TMEM272: variants seen among roughly 807,000 people sequenced by gnomAD.
TMEM272 encodes long intergenic non-protein coding RNA 282.
Under a neutral mutation model 3.7 loss-of-function variants are expected in TMEM272, and 8 were observed. The ratio of observed to expected loss-of-function variants is 2.17; its 90% confidence interval spans 1.27 to 3.91. The LOEUF (loss-of-function observed/expected upper bound fraction) is 3.91, where lower values mean the gene tolerates loss of function less well. Among genes scored for constraint, TMEM272 ranks in the 30% most tolerant of loss-of-function variants. The pLI is 0.00. For missense variants in TMEM272, 166 were observed against 91.5 expected (o/e 1.81, Z -3.32); for synonymous variants, 63 against 39.8 (o/e 1.58, Z -2.20).
the TMEM272 span, among the ~76,000 whole-genome samples, chr13:51,923,106 T>C: frequency 3.5e-4 from 54 of 152,304 alleles, no homozygotes; most frequent in African/African-American, 1.0e-3. Context: ...AGTCCGGTGA[T>C]GGCAATGTAA....
At chr13:51,927,770 T>C in the TMEM272 span, among the ~76,000 whole-genome samples, 1 of 152,176 alleles carries the variant, frequency 6.6e-6, no homozygotes, top group Non-Finnish European at 1.5e-5. Context: ...CTCCAGTCCC[T>C]ACTTGGGGAT....
At chr13:51,909,348 A>G in the TMEM272 span, 1 of 876,032 alleles carries the variant, frequency 1.1e-6, no homozygotes, top group Non-Finnish European at 1.9e-6. Context: ...GCAGGTCTCC[A>G]GCTCTTCAGT....
At chr13:51,932,112 C>T in the TMEM272 span, among the ~76,000 whole-genome samples, 1 of 152,136 alleles carries the variant, frequency 6.6e-6, no homozygotes, top group Non-Finnish European at 1.5e-5. Context: ...ATTCATAGTG[C>T]CTCCTTCCAC....
the TMEM272 span, among the ~76,000 whole-genome samples, chr13:51,852,444 A>G: frequency 6.6e-6 from 1 of 152,240 alleles, no homozygotes; most frequent in African/African-American, 2.4e-5. Context: ...CTTCCAGGGC[A>G]TGATTCCTTT....
At chr13:51,831,605 T>C (rs1956173953) in intron 2 of TMEM272, among the ~76,000 whole-genome samples, 1 of 152,178 alleles carries the variant, frequency 6.6e-6, no homozygotes, top group South Asian at 2.1e-4. Flanking sequence ...AGGCCTTCTT[T>C]ACCACTTGGT....
chr13:51,848,194 G>C (rs982823981), upstream of TMEM272, among the ~76,000 whole-genome samples: 2 of 152,182 alleles, frequency 1.3e-5, no homozygotes, highest in African/African-American at 4.8e-5. Flanking sequence ...GGAAGCAGTT[G>C]CTAACCCTAG....
upstream of TMEM272, among the ~76,000 whole-genome samples, chr13:51,849,637 C>T (rs568051820): frequency 1.5e-4 from 23 of 151,292 alleles, no homozygotes; most frequent in South Asian, 3.5e-3. Flanking sequence ...CCAATTTCAG[C>T]GGTCGCAGAG....
At chr13:51,846,038 G>C (rs576728277), upstream of TMEM272, among the ~76,000 whole-genome samples, 3 of 152,320 alleles carry the variant, frequency 2.0e-5, no homozygotes, top group Admixed American at 2.0e-4. Flanking sequence ...GGCAAGAGAA[G>C]AGCCTATTAT....
the TMEM272 span, among the ~76,000 whole-genome samples, chr13:51,913,364 T>C: frequency 2.6e-3 from 395 of 152,318 alleles, 2 homozygotes; most frequent in African/African-American, 9.0e-3. Flanking sequence ...AAAATAGTAT[T>C]GGCGCCAAAG....
chr13:51,931,419 C>T, the TMEM272 span, among the ~76,000 whole-genome samples: 4 of 151,154 alleles, frequency 2.6e-5, no homozygotes, highest in African/African-American at 4.9e-5. Context: ...TATTCTCACT[C>T]GTAAGTGGGA....
the TMEM272 span, among the ~76,000 whole-genome samples, chr13:51,900,854 A>T: frequency 6.6e-6 from 1 of 152,244 alleles, no homozygotes; most frequent in Non-Finnish European, 1.5e-5. Flanking sequence ...TAAGTATAAG[A>T]AGCCAGACAC....
At chr13:51,865,756 C>G in the TMEM272 span, 1 of 1,614,082 alleles carries the variant, frequency 6.2e-7, no homozygotes, top group East Asian at 2.2e-5. Context: ...AAAAGTACCG[C>G]ACTTTCTGGA....
At chr13:51,866,140 G>A in the TMEM272 span, 38 of 1,380,912 alleles carry the variant, frequency 2.8e-5, no homozygotes, top group Non-Finnish European at 3.6e-5. Context: ...TTCAAGTCCA[G>A]GGTGAGCCCA....
intron 3 of TMEM272, among the ~76,000 whole-genome samples, chr13:51,823,551 G>C (rs747718819): frequency 6.6e-6 from 1 of 152,234 alleles, no homozygotes; most frequent in Non-Finnish European, 1.5e-5. Flanking sequence ...TGGAATTTGC[G>C]TAAGCAAGAA....
chr13:51,904,966 C>G, the TMEM272 span, among the ~76,000 whole-genome samples: 1 of 152,198 alleles, frequency 6.6e-6, no homozygotes, highest in Non-Finnish European at 1.5e-5. Context: ...GGAGTCTGTT[C>G]TGTGTGCTGT....
chr13:51,891,583 G>A, the TMEM272 span, among the ~76,000 whole-genome samples: 1 of 152,186 alleles, frequency 6.6e-6, no homozygotes, highest in Non-Finnish European at 1.5e-5. Flanking sequence ...GGAGGGGATT[G>A]GGGCTCCTAT....
rs1046483366 is a variant in TMEM272, at chr13:51,815,560, A to C, written c.*1191T>G. On this transcript the variant is annotated 3_prime_UTR_variant, in exon 5 of 5. Coordinates refer to ENST00000629372, the MANE Select transcript of TMEM272 (RefSeq NM_001351003.2). ...AGTTAAAAAATAAACACAGCTCAGCAGTGTGTAAATATACAGAAATGCTAT... is the reference window on the plus strand; with the variant it reads ...AGTTAAAAAATAAACACAGCTCAGCCGTGTGTAAATATACAGAAATGCTAT... 1 of 152,370 alleles carries C rather than the reference A, an allele frequency of 6.6e-6. No homozygotes were observed. The highest frequency in any genetic ancestry group is 1.9e-4 in the East Asian group (1 of 5,190). 9.4% of individuals were successfully genotyped at this position (152,370 alleles called of 1,614,324 possible). A position where few individuals can be genotyped will look rare whatever the true frequency, so the allele number is the denominator to read the frequency against.
the TMEM272 span, chr13:51,910,480 C>A: frequency 1.3e-6 from 1 of 769,050 alleles, no homozygotes; most frequent in Non-Finnish European, 2.4e-6. Flanking sequence ...CCAAGGACAG[C>A]TGCACATATC....
chr13:51,926,868 A>G, the TMEM272 span, among the ~76,000 whole-genome samples: 2 of 152,242 alleles, frequency 1.3e-5, no homozygotes, highest in Admixed American at 6.5e-5. Flanking sequence ...ATAGATACAT[A>G]TAATTTTATC....
Sources: allele counts gnomAD v4.1 joint callset (sites outside exome capture counted in the v4.1 genomes callset), GRCh38; gene constraint gnomAD v4.1.1; transcripts MANE v1.5; gene names NCBI Gene and HGNC (gene_info 2026-07-23, HGNC 2026-07-21).